DLL4: variants seen among roughly 807,000 people sequenced by gnomAD.
DLL4 encodes the protein delta-like protein 4.
A neutral mutation model predicts 73.6 loss-of-function variants in DLL4; 7 were observed. That is an observed-to-expected ratio of 0.10 (90% confidence interval 0.05 to 0.18). DLL4 has a LOEUF of 0.18. Among genes scored for constraint, DLL4 ranks in the 10% least tolerant of loss-of-function variants. The pLI, the probability that DLL4 is intolerant of heterozygous loss-of-function variation, is 1.00. For synonymous variants in DLL4, 345 were observed against 374.3 expected (o/e 0.92, Z 0.90); for missense variants, 614 against 929.9 (o/e 0.66, Z 4.42).
chr15:40,931,331 G>A (rs1892766993), intron 3 of DLL4, 172 bp from the exon 4 acceptor site: 1 of 716,782 alleles, frequency 1.4e-6, no homozygotes, highest in Non-Finnish European at 2.3e-6. Flanking sequence ...CTACGTAGCG[G>A]GGCTTTGGGT....
Position 40,936,525 on chromosome 15 carries a change from T to C in DLL4, c.1538T>C (p.Val513Ala). Residue 513 changes from valine (V) to alanine (A), a missense_variant, in exon 9 of 11, where the codon GTG (valine) becomes GCG (alanine). By Grantham distance (64) the Val-to-Ala change is moderately conservative. This residue lies in a region of DLL4 where 386 missense variants were observed against 541.3 expected (regional missense o/e 0.71). Coordinates refer to ENST00000249749, the MANE Select transcript of DLL4 (RefSeq NM_019074.4). ...TFVCNCPYGFVGSRCEFPVGL... is the reference protein window; with the variant it reads ...TFVCNCPYGFAGSRCEFPVGL... ...GTGTGCAACTGCCCTTATGGCTTTG[T>C]GGGCAGCCGCTGCGAGTTCCCCGTG... 6.2e-7 allele frequency: 1 copy of C among 1,611,402 alleles called. No homozygotes were observed. Among genetic ancestry groups the C allele is most frequent in the Non-Finnish European group, 8.5e-7 (1 of 1,179,432 alleles).
chr15:40,933,236 G>A (rs1892794155), intron 6 of DLL4, among the ~76,000 whole-genome samples: 2 of 152,032 alleles, frequency 1.3e-5, no homozygotes, highest in African/African-American at 4.8e-5. Flanking sequence ...CTGACTTGCT[G>A]TCAACAAGGG....
Position 40,930,865 on chromosome 15 carries a change from C to CTGCTCTGA in DLL4, c.394+183_394+184insTGCTCTGA. ...GCTGCCTGGACTCAGAGCACAATTG[C>CTGCTCTGA]GTTTCCTGCGGGTTATTTTTGGCGT... On this transcript the variant is annotated intron_variant, in intron 3 of 10. Transcript: ENST00000249749. This position sits in a 1 kb window ranked among gnomAD's most constrained non-coding sequence, Gnocchi z 5.7. 5 of 637,976 alleles carry CTGCTCTGA rather than the reference C, an allele frequency of 7.8e-6. No individual in the cohort carries two copies. The South Asian group carries it at 9.9e-5, about 13-fold the overall frequency. 39.5% of individuals were successfully genotyped at this position (637,976 alleles called of 1,614,324 possible). A position where few individuals can be genotyped will look rare whatever the true frequency, so the allele number is the denominator to read the frequency against.
rs1892874345 is a variant in DLL4, at chr15:40,938,402, G to A, written c.*368G>A. 2 of 201,750 alleles carry A rather than the reference G, an allele frequency of 9.9e-6. No homozygotes were observed. Among genetic ancestry groups the A allele is most frequent in the East Asian group, 2.2e-4 (2 of 8,956 alleles). 12.5% of individuals were successfully genotyped at this position (201,750 alleles called of 1,614,324 possible). On this transcript the variant is annotated 3_prime_UTR_variant, in exon 11 of 11. Coordinates refer to ENST00000249749, the MANE Select transcript of DLL4 (RefSeq NM_019074.4). ...GCCCGGAGCTGCTGTGGCCTCCACT[G>A]GCATCCGTGTTTCCAAAAGTGCCTT...
chr15:40,936,211 C>G lies in DLL4; in HGVS notation c.1241-17C>G. 1 of 1,551,192 alleles carries G rather than the reference C, an allele frequency of 6.4e-7. No individual in the cohort carries two copies. The highest frequency in any genetic ancestry group is 1.2e-5 in the South Asian group (1 of 82,676). On this transcript the variant is annotated splice_polypyrimidine_tract_variant and intron_variant, in intron 8 of 10. Coordinates refer to ENST00000249749, the MANE Select transcript of DLL4 (RefSeq NM_019074.4). ...CTCCCAGGCTATCACTGACTTGTGTCTCATGCGTCCTCACAGGGGGACAGT... is the reference window on the plus strand; with the variant it reads ...CTCCCAGGCTATCACTGACTTGTGTGTCATGCGTCCTCACAGGGGGACAGT...
Position 40,930,569 on chromosome 15 carries a change from A to G in DLL4, c.337-56A>G. 1 of 1,456,128 alleles carries G rather than the reference A, an allele frequency of 6.9e-7. No homozygotes were observed. 90.2% of individuals were successfully genotyped at this position (1,456,128 alleles called of 1,614,324 possible). On this transcript the variant is annotated intron_variant, in intron 2 of 10. Transcript: ENST00000249749. This position sits in a 1 kb window ranked among gnomAD's most constrained non-coding sequence, Gnocchi z 5.7. ...AAACAGGCTGCCGCAAGGCACCCCC[A>G]CCTCTCCCCGCTTGCTCATCTCGCC...
At position 40,936,220 on chromosome 15, in the gene DLL4, C is replaced by A. The variant is rs755141768; in HGVS notation, c.1241-8C>A. On this transcript the variant is annotated splice_region_variant and splice_polypyrimidine_tract_variant and intron_variant, in intron 8 of 10. Transcript: ENST00000249749. Reference sequence around the variant, plus strand: ...TATCACTGACTTGTGTCTCATGCGTCCTCACAGGGGGACAGTGCCTGAACC... The same window carrying A: ...TATCACTGACTTGTGTCTCATGCGTACTCACAGGGGGACAGTGCCTGAACC... 3.3e-5 allele frequency: 51 copies of A among 1,567,130 alleles called. No homozygotes were observed. Among genetic ancestry groups the A allele is most frequent in the Non-Finnish European group, 3.9e-5 (45 of 1,158,674 alleles).
At position 40,930,357 on chromosome 15, in the gene DLL4, T is replaced by G. The variant is rs1007241806; in HGVS notation, c.336+241T>G. On this transcript the variant is annotated intron_variant, in intron 2 of 10. Transcript: ENST00000249749. The surrounding 1 kb of genome is among the most constrained non-coding windows in gnomAD (Gnocchi z 5.7). ...CCAGCTCTTGGGACACGATTTTCATTACCTACCACTCTGGGGCGGTACCCT... is the reference window on the plus strand; with the variant it reads ...CCAGCTCTTGGGACACGATTTTCATGACCTACCACTCTGGGGCGGTACCCT... The G allele has an allele frequency of 1.3e-5, 8 of 637,870 alleles. No individual in the cohort carries two copies. The African/African-American group carries it at 1.5e-4, about 12-fold the overall frequency. 39.5% of individuals were successfully genotyped at this position (637,870 alleles called of 1,614,324 possible).
Position 40,930,269 on chromosome 15 carries a change from T to A in DLL4, c.336+153T>A. 1.0e-6 allele frequency: 1 copy of A among 966,034 alleles called. No homozygotes were observed. The highest frequency in any genetic ancestry group is 1.5e-6 in the Non-Finnish European group (1 of 664,032). 59.8% of individuals were successfully genotyped at this position (966,034 alleles called of 1,614,324 possible). ...TTCCTGGCTCTTCCCGACTCTCTCC[T>A]GAGACTGATCCCAGAAAAGGCTCTC... On this transcript the variant is annotated intron_variant, in intron 2 of 10. Coordinates refer to ENST00000249749, the MANE Select transcript of DLL4 (RefSeq NM_019074.4). The surrounding 1 kb of genome is among the most constrained non-coding windows in gnomAD (Gnocchi z 5.7).
In DLL4 at chr15:40,934,415, G is replaced by A. The variant is rs554724380; in HGVS notation, c.851-133G>A. 12 of 696,908 alleles carry A rather than the reference G, an allele frequency of 1.7e-5. No homozygotes were observed. In the African/African-American group the frequency reaches 2.0e-4, roughly 12 times the overall value. The allele number at this position is 696,908 out of a possible 1,614,324, so 43.2% of individuals were successfully genotyped here. Reference sequence around the variant, plus strand: ...AAAGATTTTATTGGTGGTGGAGGAAGGATGTTTGGGCCTGGGAGACTTTGA... The same window carrying A: ...AAAGATTTTATTGGTGGTGGAGGAAAGATGTTTGGGCCTGGGAGACTTTGA... On this transcript the variant is annotated intron_variant, in intron 6 of 10. Transcript: ENST00000249749.
Position 40,937,588 on chromosome 15 carries a change from T to C in DLL4, c.2052+62T>C, listed in dbSNP as rs1892863620. On this transcript the variant is annotated intron_variant, in intron 10 of 10. Transcript: ENST00000249749. Reference sequence around the variant, plus strand: ...GGGAGGGAAAGTGGCCTGGTCACTCTTGACCCATGGGCCATTCCTGAAGGG... The same window carrying C: ...GGGAGGGAAAGTGGCCTGGTCACTCCTGACCCATGGGCCATTCCTGAAGGG... The C allele has an allele frequency of 2.4e-6, 3 of 1,237,994 alleles. No individual in the cohort carries two copies. The Admixed American group carries it at 5.0e-5, about 21-fold the overall frequency. The allele number at this position is 1,237,994 out of a possible 1,614,324, so 76.7% of individuals were successfully genotyped here.
chr15:40,935,217 C>T (rs1892826443), intron 8 of DLL4, 100 bp downstream of exon 8: 3 of 1,164,026 alleles, frequency 2.6e-6, no homozygotes, highest in Non-Finnish European at 3.6e-6. Flanking sequence ...TTGTCTGCCA[C>T]TCTGGCCCCC....
chr15:40,930,681 A>T lies in DLL4; in HGVS notation c.393A>T (p.Pro131=). ...AWHAPGDDLR[P]EALPPDALIS... is the part of the protein sequence containing the mutation. ...ACGCGCCAGGAGACGACCTGCGGCC[A>T]GGTGAGTAGCTCGCTCCGCCACCAC... The change falls in exon 3 of 11, where the codon CCA becomes CCT. Residue 131 remains proline, a splice_region_variant and synonymous_variant. Coordinates refer to ENST00000249749, the MANE Select transcript of DLL4 (RefSeq NM_019074.4). The surrounding 1 kb of genome is among the most constrained non-coding windows in gnomAD (Gnocchi z 5.7). 2 of 1,613,568 alleles carry T rather than the reference A, an allele frequency of 1.2e-6. No individual in the cohort carries two copies. Among genetic ancestry groups the T allele is most frequent in the Non-Finnish European group, 1.7e-6 (2 of 1,179,784 alleles).
Position 40,929,618 on chromosome 15 carries a change from G to A in DLL4, c.-51G>A, listed in dbSNP as rs1892733986. On this transcript the variant is annotated 5_prime_UTR_variant, in exon 1 of 11. Transcript: ENST00000249749. The surrounding 1 kb of genome is among the most constrained non-coding windows in gnomAD (Gnocchi z 7.1). ...CGGACGCGCGGGAAAGCGGCGTCGCGAACAGAGCCAGATTGAGGGCCCGCG... is the reference window on the plus strand; with the variant it reads ...CGGACGCGCGGGAAAGCGGCGTCGCAAACAGAGCCAGATTGAGGGCCCGCG... The A allele has an allele frequency of 1.4e-6, 2 of 1,455,200 alleles. No individual in the cohort carries two copies. The highest frequency in any genetic ancestry group is 2.9e-5 in the African/African-American group (2 of 69,680). 90.1% of individuals were successfully genotyped at this position (1,455,200 alleles called of 1,614,324 possible).
Position 40,930,645 on chromosome 15 carries a change from C to G in DLL4, c.357C>G (p.Ile119Met), listed in dbSNP as rs375811643. 5 of 1,613,758 alleles carry G rather than the reference C, an allele frequency of 3.1e-6. No individual in the cohort carries two copies. The highest frequency in any genetic ancestry group is 1.3e-5 in the African/African-American group (1 of 74,950). Residue 119 changes from isoleucine (I) to methionine (M), a missense_variant, in exon 3 of 11, where the codon ATC becomes ATG. Around this residue, in one of 3 missense-constraint regions of DLL4, gnomAD observed 227 missense variants for 370.8 expected, o/e 0.61. Coordinates refer to ENST00000249749, the MANE Select transcript of DLL4 (RefSeq NM_019074.4). This position sits in a 1 kb window ranked among gnomAD's most constrained non-coding sequence, Gnocchi z 5.7. ...CCCAGGGTACCTTCTCGCTCATCAT[C>G]GAAGCTTGGCACGCGCCAGGAGACG... ...FTWPGTFSLI[I>M]EAWHAPGDDL...
chr15:40,937,859 G>T (rs56038127), intron 10 of DLL4, among the ~76,000 whole-genome samples, 170 bp from the exon 11 acceptor site: 1 of 152,260 alleles, frequency 6.6e-6, no homozygotes, highest in East Asian at 1.9e-4. Flanking sequence ...CCTCATGAGC[G>T]CAAGCTCCCA....
Position 40,930,294 on chromosome 15 carries a change from C to T in DLL4, c.336+178C>T. ...TGAGACTGATCCCAGAAAAGGCTCT[C>T]ACCAGTCTCCGTCTTCCCAGTTTAT... On this transcript the variant is annotated intron_variant, in intron 2 of 10. Transcript: ENST00000249749. The surrounding 1 kb of genome is among the most constrained non-coding windows in gnomAD (Gnocchi z 5.7). 1.2e-6 allele frequency: 1 copy of T among 808,466 alleles called. No homozygotes were observed. The highest frequency in any genetic ancestry group is 1.9e-6 in the Non-Finnish European group (1 of 523,854). The allele number at this position is 808,466 out of a possible 1,614,324, so 50.1% of individuals were successfully genotyped here.
Position 40,938,856 on chromosome 15 carries a change from C to G in DLL4, c.*822C>G, listed in dbSNP as rs1892880381. Reference sequence around the variant, plus strand: ...CAAGCCCATCTCCACAACCTCGAGCCTGGGCTCTGGTCCACTACTGCCCCA... The same window carrying G: ...CAAGCCCATCTCCACAACCTCGAGCGTGGGCTCTGGTCCACTACTGCCCCA... On this transcript the variant is annotated 3_prime_UTR_variant, in exon 11 of 11. Coordinates refer to ENST00000249749, the MANE Select transcript of DLL4 (RefSeq NM_019074.4). The G allele has an allele frequency of 6.6e-6, 1 of 152,478 alleles. No individual in the cohort carries two copies. Among genetic ancestry groups the G allele is most frequent in the Non-Finnish European group, 1.5e-5 (1 of 68,026 alleles). The allele number at this position is 152,478 out of a possible 1,614,324, so 9.4% of individuals were successfully genotyped here. A position where few individuals can be genotyped will look rare whatever the true frequency, so the allele number is the denominator to read the frequency against.
chr15:40,937,951 C>G, intron 10 of DLL4, 78 bp from the exon 11 acceptor site: 1 of 1,567,092 alleles, frequency 6.4e-7, no homozygotes. Flanking sequence ...CGCCTTCTCC[C>G]AGGGAGGCCC....
Sources: allele counts gnomAD v4.1 joint callset (sites outside exome capture counted in the v4.1 genomes callset), GRCh38; gene constraint gnomAD v4.1.1; regional missense constraint gnomAD v4.1.1; non-coding constraint Gnocchi (gnomAD v3.1); transcripts MANE v1.5; gene names NCBI Gene and HGNC (gene_info 2026-07-23, HGNC 2026-07-21).